Variants in ANKH observed in about 807,000 individuals in gnomAD.
ANKH encodes the protein ANKH inorganic pyrophosphate transport regulator, also known as mineralization regulator ANKH.
A neutral mutation model predicts 49.0 loss-of-function variants in ANKH; 15 were observed. That is an observed-to-expected ratio of 0.31 (90% CI 0.20 to 0.47). The LOEUF is 0.47. Ranked by LOEUF, ANKH falls within the 20% of genes least tolerant of loss-of-function variation. The pLI is 1.00. For synonymous variants in ANKH, 273 were observed against 260.0 expected, an observed-to-expected ratio of 1.05 and a Z score of -0.48; for missense variants, 429 against 652.0, an observed-to-expected ratio of 0.66 and a Z score of 3.72.
intron 1 of ANKH, chr5:14,797,922 T>G (rs1740441534): frequency 3.1e-6 from 5 of 1,600,690 alleles, no homozygotes; most frequent in Non-Finnish European, 3.4e-6. Flanking sequence ...AGGATCTGGT[T>G]TAGAAGGATG....
At chr5:14,810,847 T>C (rs1404223256) in intron 1 of ANKH, among the ~76,000 whole-genome samples, 1 of 152,198 alleles carries the variant, frequency 6.6e-6, no homozygotes, top group East Asian at 1.9e-4. Flanking sequence ...TTACGAATCA[T>C]TGTCAAGGTC....
At chr5:14,718,127 C>T (rs1737540438) in intron 8 of ANKH, among the ~76,000 whole-genome samples, 1 of 152,136 alleles carries the variant, frequency 6.6e-6, no homozygotes, top group African/African-American at 2.4e-5. Context: ...ATTAGAGTCT[C>T]CCAATGAAGC....
intron 1 of ANKH, among the ~76,000 whole-genome samples, chr5:14,826,973 G>A (rs928570888): frequency 6.6e-6 from 1 of 152,088 alleles, no homozygotes; most frequent in African/African-American, 2.4e-5. Context: ...TGGGAAGTCT[G>A]GTCTCCAAAA....
chr5:14,828,257 C>T (rs953700321), intron 1 of ANKH, among the ~76,000 whole-genome samples: 7 of 152,052 alleles, frequency 4.6e-5, no homozygotes, highest in Non-Finnish European at 1.0e-4. Flanking sequence ...TTTGGGAGGC[C>T]GAGGCGGGCA....
At chr5:14,777,026 A>G (rs166298) in intron 1 of ANKH, among the ~76,000 whole-genome samples, 51,904 of 152,170 alleles carry the variant, frequency 0.34, 8,958 homozygotes, top group Admixed American at 0.39. Flanking sequence ...TCACGCCTGT[A>G]ATCCCAGCAC....
chr5:14,752,406 T>C (rs962701571), intron 4 of ANKH, among the ~76,000 whole-genome samples: 3 of 152,196 alleles, frequency 2.0e-5, no homozygotes, highest in African/African-American at 7.2e-5. Flanking sequence ...AAAACTAGAA[T>C]AGGTTGAAAT....
At chr5:14,871,081 C>G (rs1735803270) in intron 1 of ANKH, 1 of 585,600 alleles carries the variant, frequency 1.7e-6, no homozygotes, top group South Asian at 1.5e-5. Context: ...ATAATACTGC[C>G]GTGCACTAAA....
chr5:14,800,040 G>A (rs1156604657), intron 1 of ANKH, among the ~76,000 whole-genome samples: 10 of 152,108 alleles, frequency 6.6e-5, no homozygotes, highest in Non-Finnish European at 7.4e-5. Flanking sequence ...ATTAACAGTC[G>A]TTTGGAAGAA....
chr5:14,749,203 C>G lies in ANKH; in HGVS notation c.791G>C (p.Arg264Pro). Residue 264 changes from arginine to proline, a missense_variant, in exon 6 of 12, where the codon CGG (arginine) becomes CCG (proline). This residue lies in a region of ANKH where 378 missense variants were observed against 615.3 expected (regional missense o/e 0.61). Coordinates refer to ENST00000284268, the MANE Select transcript of ANKH (RefSeq NM_054027.6). ...SRPIVNLFVS[R>P]DLGGSSAATE... ...GGCTGCAGAACTGCCACCAAGGTCCCGGGAAACAAAGAGGTTGACAATAGG... is the reference window on the plus strand; with the variant it reads ...GGCTGCAGAACTGCCACCAAGGTCCGGGGAAACAAAGAGGTTGACAATAGG... 6.2e-7 allele frequency: 1 copy of G among 1,614,028 alleles called. No individual in the cohort carries two copies. Among genetic ancestry groups the G allele is most frequent in the Non-Finnish European group, 8.5e-7 (1 of 1,179,946 alleles).
At chr5:14,754,454 T>G (rs1580040219) in intron 4 of ANKH, among the ~76,000 whole-genome samples, 2 of 151,908 alleles carry the variant, frequency 1.3e-5, no homozygotes, top group Non-Finnish European at 2.9e-5. Context: ...TCAAATGAAG[T>G]GATTAGAGTG....
rs769310760 is a variant in ANKH, at chr5:14,711,158, T to A, written c.*39A>T. On this transcript the variant is annotated 3_prime_UTR_variant, in exon 12 of 12. Coordinates refer to ENST00000284268, the MANE Select transcript of ANKH (RefSeq NM_054027.6). Reference sequence around the variant, plus strand: ...AAGAGATGATGCCGAAGTGTCATCCTGACTGACTGTCCCTGCAGTGCCCAT... The same window carrying A: ...AAGAGATGATGCCGAAGTGTCATCCAGACTGACTGTCCCTGCAGTGCCCAT... 1 of 1,512,640 alleles carries A rather than the reference T, an allele frequency of 6.6e-7. No homozygotes were observed. Among genetic ancestry groups the A allele is most frequent in the South Asian group, 1.1e-5 (1 of 89,144 alleles). 93.7% of individuals were successfully genotyped at this position (1,512,640 alleles called of 1,614,324 possible).
intron 1 of ANKH, among the ~76,000 whole-genome samples, chr5:14,832,541 A>G (rs1418059820): frequency 6.6e-6 from 1 of 152,264 alleles, no homozygotes; most frequent in Non-Finnish European, 1.5e-5. Flanking sequence ...GAGTTATAGA[A>G]CCATTCAAGT....
intron 1 of ANKH, among the ~76,000 whole-genome samples, chr5:14,853,669 TG>T (rs974348017): frequency 2.6e-5 from 4 of 152,202 alleles, no homozygotes; most frequent in Non-Finnish European, 4.4e-5. Context: ...TTTTTTTGTT[TG>T]TTTGTTTTTT....
intron 1 of ANKH, among the ~76,000 whole-genome samples, chr5:14,794,926 G>A (rs1295365858): frequency 6.6e-6 from 1 of 152,268 alleles, no homozygotes; most frequent in Admixed American, 6.5e-5. Flanking sequence ...GCATGGTCTT[G>A]TGTTTTCCTT....
intron 11 of ANKH, among the ~76,000 whole-genome samples, chr5:14,712,329 C>T (rs889398762): frequency 6.6e-6 from 1 of 152,228 alleles, no homozygotes; most frequent in African/African-American, 2.4e-5. Flanking sequence ...CTCGTTCTTC[C>T]ACCCTCATAT....
rs1463411082 is a variant in ANKH at position 14,737,323 on chromosome 5, A to G, written c.1011+4504T>C. Among the ~76,000 whole-genome samples the G allele has an allele frequency of 6.6e-6, 1 of 152,124 alleles. No homozygotes were observed. The highest frequency in any genetic ancestry group is 1.5e-5 in the Non-Finnish European group (1 of 68,020). On this transcript the variant is annotated intron_variant, in intron 8 of 11. Transcript: ENST00000284268. The surrounding 1 kb of genome is among the most constrained non-coding windows in gnomAD (Gnocchi z 5.0). ...CTAGAGTCCAGGAGGGCACCATGAT[A>G]GGCCCCAGGGGTTTGTAGGAGGCTG...
chr5:14,858,184 G>A (rs1266716224), intron 1 of ANKH, among the ~76,000 whole-genome samples: 2 of 151,692 alleles, frequency 1.3e-5, no homozygotes, highest in East Asian at 3.9e-4. Flanking sequence ...GGTGGTTTTT[G>A]CTTACATGGT....
chr5:14,739,668 A>G (rs564171190), intron 8 of ANKH, among the ~76,000 whole-genome samples: 1 of 152,244 alleles, frequency 6.6e-6, no homozygotes, highest in Non-Finnish European at 1.5e-5. Context: ...CTCTGGGAAC[A>G]GTGTGGTTCA....
chr5:14,752,709 G>A (rs1738759065), intron 4 of ANKH, among the ~76,000 whole-genome samples: 1 of 152,056 alleles, frequency 6.6e-6, no homozygotes, highest in African/African-American at 2.4e-5. Flanking sequence ...GAGAGGGCTG[G>A]TGGGAAAGAG....
Sources: allele counts gnomAD v4.1 joint callset (sites outside exome capture counted in the v4.1 genomes callset), GRCh38; gene constraint gnomAD v4.1.1; regional missense constraint gnomAD v4.1.1; non-coding constraint Gnocchi (gnomAD v3.1); transcripts MANE v1.5; gene names NCBI Gene and HGNC (gene_info 2026-07-23, HGNC 2026-07-21).